The following CSMD1 variants were observed in gnomAD, a reference collection of about 807,000 sequenced individuals.
The protein encoded by CSMD1 is CUB and Sushi multiple domains 1.
In CSMD1, 213 loss-of-function variants were observed where a neutral mutation model predicts 417.5. The observed-to-expected ratio is 0.51, with a 90% CI of 0.46 to 0.57. CSMD1 has a LOEUF of 0.57. Among genes scored for constraint, CSMD1 ranks in the 20% least tolerant of loss-of-function variants. The pLI is 0.00. For synonymous variants in CSMD1, 2,862 were observed against 1,736.8 expected, an observed-to-expected ratio of 1.65 and a Z score of -16.11; for missense variants, 6,923 against 4,529.7, an observed-to-expected ratio of 1.53 and a Z score of -15.17.
Position 4,445,146 on chromosome 8 carries a change from T to C in CSMD1, c.303-25081A>G, listed in dbSNP as rs371025151. ...TAGTAGATACAGTGCTGTTTTAAGATTGGGTGATGGCACTAGAAGAATCTG... is the reference window on the plus strand; with the variant it reads ...TAGTAGATACAGTGCTGTTTTAAGACTGGGTGATGGCACTAGAAGAATCTG... On this transcript the variant is annotated intron_variant, in intron 2 of 69. Coordinates refer to ENST00000635120, the MANE Select transcript of CSMD1 (RefSeq NM_033225.6). Among the ~76,000 whole-genome samples, 101 of 152,302 alleles carry C rather than the reference T, an allele frequency of 6.6e-4. 1 individual carries two copies. In the South Asian group the frequency reaches 0.015, roughly 22 times the overall value.
chr8:3,788,978 A>T (rs187107931), intron 5 of CSMD1, among the ~76,000 whole-genome samples: 3 of 152,298 alleles, frequency 2.0e-5, no homozygotes, highest in Admixed American at 2.0e-4. Flanking sequence ...ATCTGATTCC[A>T]AATTGTAAGT....
At chr8:3,765,000 C>G (rs1798194910) in intron 5 of CSMD1, among the ~76,000 whole-genome samples, 1 of 152,104 alleles carries the variant, frequency 6.6e-6, no homozygotes, top group Non-Finnish European at 1.5e-5. Context: ...CCACTTCGGC[C>G]TCCCAAAGTT....
At chr8:4,848,396 C>A (rs546397897) in intron 1 of CSMD1, among the ~76,000 whole-genome samples, 109 of 152,328 alleles carry the variant, frequency 7.2e-4, no homozygotes, top group African/African-American at 2.4e-3. Flanking sequence ...CTGAAAAATT[C>A]CTATGAGCTA....
At chr8:4,039,967 T>A (rs773420654) in intron 3 of CSMD1, among the ~76,000 whole-genome samples, 1 of 152,148 alleles carries the variant, frequency 6.6e-6, no homozygotes, top group Non-Finnish European at 1.5e-5. Context: ...TAAAAAGATA[T>A]CACAAATCAG....
At chr8:4,132,698 G>C (rs1284122530) in intron 3 of CSMD1, among the ~76,000 whole-genome samples, 1 of 152,112 alleles carries the variant, frequency 6.6e-6, no homozygotes, top group African/African-American at 2.4e-5. Context: ...TCAATGTGGG[G>C]CTTCCACGCA....
chr8:4,351,168 T>G (rs916117604), intron 3 of CSMD1, among the ~76,000 whole-genome samples: 1 of 151,100 alleles, frequency 6.6e-6, no homozygotes, highest in African/African-American at 2.4e-5. Context: ...AAAAAAAAAA[T>G]TAGGGAAAGA....
At chr8:4,231,469 T>C (rs1801728044) in intron 3 of CSMD1, among the ~76,000 whole-genome samples, 1 of 151,750 alleles carries the variant, frequency 6.6e-6, no homozygotes, top group South Asian at 2.1e-4. Flanking sequence ...CAGTGAACTC[T>C]CTCAGGGCCA....
intron 2 of CSMD1, among the ~76,000 whole-genome samples, chr8:4,477,327 T>C (rs1800857939): frequency 6.6e-6 from 1 of 152,008 alleles, no homozygotes; most frequent in African/African-American, 2.4e-5. Flanking sequence ...GCGTTGGTGC[T>C]GGAAGGAGTT....
chr8:3,530,835 A>T (rs902554910), intron 10 of CSMD1, among the ~76,000 whole-genome samples: 4 of 150,286 alleles, frequency 2.7e-5, no homozygotes, highest in Non-Finnish European at 4.4e-5. Context: ...GCCCTGCTGC[A>T]GTGAATCTTG....
intron 5 of CSMD1, among the ~76,000 whole-genome samples, chr8:3,981,927 T>G (rs1015312111): frequency 6.6e-6 from 1 of 152,156 alleles, no homozygotes; most frequent in Non-Finnish European, 1.5e-5. Flanking sequence ...ATCCCGGCAC[T>G]TTGGGAGGCC....
chr8:3,607,612 C>T (rs1214802857), intron 8 of CSMD1, among the ~76,000 whole-genome samples: 2 of 152,182 alleles, frequency 1.3e-5, no homozygotes, highest in African/African-American at 4.8e-5. Flanking sequence ...AATCTTTCAG[C>T]TCCATTAAAA....
At chr8:3,664,870 A>C (rs766203810) in intron 7 of CSMD1, among the ~76,000 whole-genome samples, 2 of 152,230 alleles carry the variant, frequency 1.3e-5, no homozygotes, top group Non-Finnish European at 2.9e-5. Context: ...AACAATTCAG[A>C]CAGAATTTCA....
At chr8:4,340,121 C>A (rs542461618) in intron 3 of CSMD1, among the ~76,000 whole-genome samples, 1 of 152,182 alleles carries the variant, frequency 6.6e-6, no homozygotes, top group African/African-American at 2.4e-5. Context: ...TTTTGTTAAT[C>A]TCTCCTCTTT....
At chr8:3,762,851 G>A (rs933893302) in intron 5 of CSMD1, among the ~76,000 whole-genome samples, 1 of 152,174 alleles carries the variant, frequency 6.6e-6, no homozygotes, top group Non-Finnish European at 1.5e-5. Flanking sequence ...GTAAGCAGCC[G>A]AGACACGGTG....
chr8:3,682,360 C>T lies in CSMD1; in HGVS notation c.1009+26054G>A, dbSNP rs753974776. On this transcript the variant is annotated intron_variant, in intron 7 of 69. Transcript: ENST00000635120. ...AAATTTACAAGAAAAAAACAAGCAA[C>T]CGCATCAACAAGTGGGTGAAGGACA... Among the ~76,000 whole-genome samples the T allele has an allele frequency of 3.9e-5, 6 of 152,114 alleles. 1 individual carries two copies. Among genetic ancestry groups the T allele is most frequent in the African/African-American group, 1.4e-4 (6 of 41,420 alleles).
intron 16 of CSMD1, 79 bp from the exon 17 acceptor site, chr8:3,396,460 T>A (rs1439214528): frequency 1.9e-6 from 2 of 1,031,960 alleles, no homozygotes; most frequent in African/African-American, 1.6e-5. Context: ...CCTCATTCCT[T>A]AATCAGAAAC....
intron 7 of CSMD1, among the ~76,000 whole-genome samples, chr8:3,643,086 GA>G (rs1797224968): frequency 6.6e-6 from 1 of 152,004 alleles, no homozygotes; most frequent in African/African-American, 2.4e-5. Flanking sequence ...GAGGGAGAGA[GA>G]CAGGCATGCA....
In CSMD1 at chr8:4,420,050, C is replaced by G. The variant is rs892326894; in HGVS notation, c.318G>C (p.Gln106His). 2.6e-6 allele frequency: 4 copies of G among 1,566,728 alleles called. No homozygotes were observed. The highest frequency in any genetic ancestry group is 1.4e-5 in the African/African-American group (1 of 73,806). ...CTGTACTCACTATAGAGGAGGGCAGCTGAAATCCCGATAATCTAAATTTAA... is the reference window on the plus strand; with the variant it reads ...CTGTACTCACTATAGAGGAGGGCAGGTGAAATCCCGATAATCTAAATTTAA... Reference protein sequence around the residue: ...GNLKVRLSGFQLPSSIVSTGS... With the variant: ...GNLKVRLSGFHLPSSIVSTGS... The change falls in exon 3 of 70, where the codon CAG (glutamine) becomes CAC (histidine). Residue 106 changes from glutamine to histidine, a missense_variant. By Grantham distance (24) the Gln-to-His change is conservative (BLOSUM62 0). Transcript: ENST00000635120.
chr8:4,873,869 T>G (rs534052470), intron 1 of CSMD1, among the ~76,000 whole-genome samples: 1 of 152,242 alleles, frequency 6.6e-6, no homozygotes, highest in East Asian at 1.9e-4. Context: ...GAATACTTTT[T>G]GAAGCACTAC....
Sources: gnomAD v4.1 joint callset for allele counts (sites outside exome capture counted in the v4.1 genomes callset) on GRCh38, gnomAD v4.1.1 for gene constraint, MANE v1.5 for transcripts, NCBI Gene and HGNC (gene_info 2026-07-23, HGNC 2026-07-21) for gene names.